The following RBMS3 variants were observed in gnomAD, a reference collection of about 807,000 sequenced individuals.
RBMS3 encodes RNA binding motif single stranded interacting protein 3.
A neutral mutation model predicts 66.8 loss-of-function variants in RBMS3; 27 were observed. The observed-to-expected ratio is 0.40, with a 90% CI of 0.30 to 0.56. RBMS3 has a LOEUF of 0.56. Ranked by LOEUF, RBMS3 falls within the 20% of genes least tolerant of loss-of-function variation. The pLI is 0.40. For missense variants in RBMS3, 513 were observed against 549.5 expected (o/e 0.93, Z 0.66); for synonymous variants, 188 against 183.0 (o/e 1.03, Z -0.22).
chr3:29,962,839 A>T (rs984316240), intron 12 of RBMS3, among the ~76,000 whole-genome samples: 8 of 152,010 alleles, frequency 5.3e-5, no homozygotes, highest in Admixed American at 3.3e-4. Context: ...TTGACTACTG[A>T]TTCACTTTGA....
intron 2 of RBMS3, among the ~76,000 whole-genome samples, chr3:29,440,322 T>C (rs1266841373): frequency 1.3e-5 from 2 of 152,160 alleles, no homozygotes; most frequent in East Asian, 3.8e-4. Flanking sequence ...GCCCCCACTT[T>C]CCTGTGATTG....
chr3:29,387,094 A>G (rs1446297344), intron 1 of RBMS3, among the ~76,000 whole-genome samples: 1 of 151,992 alleles, frequency 6.6e-6, no homozygotes, highest in Non-Finnish European at 1.5e-5. Flanking sequence ...TAGTCCTTGG[A>G]TCTCTGGATA....
At chr3:29,323,976 T>G (rs1375801718) in intron 1 of RBMS3, among the ~76,000 whole-genome samples, 2 of 129,478 alleles carry the variant, frequency 1.5e-5, no homozygotes, top group Non-Finnish European at 3.2e-5. Context: ...GGGTCCTATT[T>G]TCTTGGATTT....
intron 2 of RBMS3, among the ~76,000 whole-genome samples, chr3:29,474,460 T>A (rs960944760): frequency 5.3e-4 from 80 of 152,370 alleles, no homozygotes; most frequent in African/African-American, 1.9e-3. Flanking sequence ...TAATTTTATC[T>A]GATGTGGATG....
intron 1 of RBMS3, among the ~76,000 whole-genome samples, chr3:29,284,850 T>G (rs2032145226): frequency 7.0e-6 from 1 of 142,452 alleles, no homozygotes; most frequent in African/African-American, 2.6e-5. Flanking sequence ...ATTTTCTTTT[T>G]GATGAATTTT....
At chr3:29,961,808 T>G (rs1696466291) in intron 12 of RBMS3, among the ~76,000 whole-genome samples, 1 of 151,324 alleles carries the variant, frequency 6.6e-6, no homozygotes, top group African/African-American at 2.4e-5. Flanking sequence ...TCCCACAACA[T>G]GTGAGGATTA....
chr3:29,497,255 C>A (rs1307646205), intron 3 of RBMS3, among the ~76,000 whole-genome samples: 2 of 152,098 alleles, frequency 1.3e-5, no homozygotes, highest in Non-Finnish European at 2.9e-5. Flanking sequence ...ATGATCCGCC[C>A]GCCTCAACCT....
chr3:29,625,669 G>T (rs2049033890), intron 4 of RBMS3, among the ~76,000 whole-genome samples: 2 of 150,578 alleles, frequency 1.3e-5, no homozygotes, highest in Non-Finnish European at 2.9e-5. Flanking sequence ...TTGCACTCCA[G>T]CCTGGGCAAA....
At chr3:29,753,942 A>T (rs1195128410) in intron 5 of RBMS3, among the ~76,000 whole-genome samples, 1 of 152,004 alleles carries the variant, frequency 6.6e-6, no homozygotes, top group Non-Finnish European at 1.5e-5. Flanking sequence ...ATTTTAAATG[A>T]GATAAAAGAT....
At chr3:29,300,196 A>G (rs953890607) in intron 1 of RBMS3, among the ~76,000 whole-genome samples, 9 of 151,910 alleles carry the variant, frequency 5.9e-5, no homozygotes, top group Non-Finnish European at 1.2e-4. Context: ...AGTCACTTTC[A>G]CTCATTGTTC....
At chr3:29,402,834 AAGAAG>A (rs1164360078) in intron 1 of RBMS3, among the ~76,000 whole-genome samples, 1 of 152,002 alleles carries the variant, frequency 6.6e-6, no homozygotes, top group Non-Finnish European at 1.5e-5. Context: ...TGGATTGATA[AAGAAG>A]AATTCAAATT....
intron 3 of RBMS3, among the ~76,000 whole-genome samples, chr3:29,561,459 G>GTTGTTT (rs1304138877): frequency 6.6e-6 from 1 of 151,656 alleles, no homozygotes; most frequent in East Asian, 1.9e-4. Flanking sequence ...TGTTGTTGTT[G>GTTGTTT]TTGTTGTTGC....
At chr3:29,981,069 A>G (rs549478856) in intron 12 of RBMS3, among the ~76,000 whole-genome samples, 1 of 152,118 alleles carries the variant, frequency 6.6e-6, no homozygotes, top group Non-Finnish European at 1.5e-5. Context: ...ATGAGCATGG[A>G]ATGTTTTTTT....
chr3:29,349,879 G>T (rs1480431889), intron 1 of RBMS3, among the ~76,000 whole-genome samples: 1 of 152,078 alleles, frequency 6.6e-6, no homozygotes, highest in South Asian at 2.1e-4. Context: ...AGTTGTTCAG[G>T]CCGGGTGAGG....
chr3:29,655,053 C>T (rs774843940), intron 4 of RBMS3, among the ~76,000 whole-genome samples: 1 of 152,102 alleles, frequency 6.6e-6, no homozygotes. Context: ...ATTCTGTAGC[C>T]TCTTCCCCTT....
chr3:29,739,573 A>G (rs2054542172), intron 4 of RBMS3, 147 bp from the exon 5 acceptor site: 2 of 573,856 alleles, frequency 3.5e-6, no homozygotes, highest in Non-Finnish European at 5.7e-6. Flanking sequence ...AGACATCAGT[A>G]AAAAGAAGTA....
chr3:29,730,329 G>A (rs2149334900), intron 4 of RBMS3, among the ~76,000 whole-genome samples: 1 of 151,218 alleles, frequency 6.6e-6, no homozygotes, highest in South Asian at 2.1e-4. Context: ...GATGTCAGTA[G>A]ACTACAATGA....
intron 6 of RBMS3, among the ~76,000 whole-genome samples, chr3:29,851,629 A>T (rs2058937384): frequency 6.6e-6 from 1 of 152,194 alleles, no homozygotes. Context: ...TTAAAAGTTA[A>T]TCTGCTTCTT....
intron 2 of RBMS3, among the ~76,000 whole-genome samples, chr3:29,472,090 T>C (rs758965535): frequency 6.6e-6 from 1 of 152,112 alleles, no homozygotes; most frequent in Non-Finnish European, 1.5e-5. Flanking sequence ...TAATCGTCAG[T>C]GTATAGTTTG....
Sources: gnomAD v4.1 joint callset for allele counts (sites outside exome capture counted in the v4.1 genomes callset) on GRCh38, gnomAD v4.1.1 for gene constraint, MANE v1.5 for transcripts, NCBI Gene and HGNC (gene_info 2026-07-23, HGNC 2026-07-21) for gene names.